Variants in LZTS1 observed in about 807,000 individuals in gnomAD.
LZTS1 encodes the protein leucine zipper tumor suppressor 1, also known as leucine zipper putative tumor suppressor 1.
LZTS1 carries 31 observed loss-of-function variants against 45.8 expected under a neutral mutation model. That is an observed-to-expected ratio of 0.68 (90% confidence interval 0.51 to 0.91). The LOEUF is 0.91. LZTS1 is among the 40% of genes least tolerant of loss of function. The pLI, the probability that LZTS1 is intolerant of heterozygous loss-of-function variation, is 0.00. For missense variants in LZTS1, 821 were observed against 788.9 expected (o/e 1.04, Z -0.49); for synonymous variants, 359 against 357.3 (o/e 1.00, Z -0.05).
chr8:20,263,204 C>T (rs752454718), intron 1 of LZTS1, among the ~76,000 whole-genome samples: 5 of 152,168 alleles, frequency 3.3e-5, no homozygotes, highest in African/African-American at 1.2e-4. Context: ...GCCTACCCCA[C>T]GACCGCCTTG....
At chr8:20,271,071 T>C (rs943821063) in intron 1 of LZTS1, among the ~76,000 whole-genome samples, 1 of 152,106 alleles carries the variant, frequency 6.6e-6, no homozygotes, top group African/African-American at 2.4e-5. Flanking sequence ...TATTTTTGTG[T>C]GCTCAACAGC....
intron 1 of LZTS1, among the ~76,000 whole-genome samples, chr8:20,278,896 G>A (rs928163681): frequency 6.6e-6 from 1 of 152,112 alleles, no homozygotes; most frequent in Non-Finnish European, 1.5e-5. Context: ...TCGGAGATCT[G>A]TACTCACTCC....
intron 1 of LZTS1, among the ~76,000 whole-genome samples, chr8:20,274,796 C>T (rs539132117): frequency 2.0e-5 from 3 of 152,254 alleles, no homozygotes; most frequent in East Asian, 1.9e-4. Context: ...GGAAAGTCCT[C>T]GTAAAGCGGG....
intron 1 of LZTS1, among the ~76,000 whole-genome samples, chr8:20,265,644 ACTC>A (rs1800337788): frequency 7.8e-6 from 1 of 127,768 alleles, no homozygotes; most frequent in African/African-American, 3.0e-5. Flanking sequence ...ATGCCACTGC[ACTC>A]CAGCCTGGGC....
chr8:20,267,806 C>T (rs767841364), intron 1 of LZTS1, among the ~76,000 whole-genome samples: 2 of 152,112 alleles, frequency 1.3e-5, no homozygotes, highest in Non-Finnish European at 2.9e-5. Flanking sequence ...TGAGCCACTG[C>T]GCCCGGCCCA....
At chr8:20,282,331 C>A (rs1800709344) in intron 1 of LZTS1, among the ~76,000 whole-genome samples, 1 of 152,194 alleles carries the variant, frequency 6.6e-6, no homozygotes, top group Admixed American at 6.5e-5. Context: ...TCTGAGCCTG[C>A]TGGGCCTCTG....
At chr8:20,300,548 G>T (rs1359498366) in intron 1 of LZTS1, among the ~76,000 whole-genome samples, 1 of 151,984 alleles carries the variant, frequency 6.6e-6, no homozygotes, top group African/African-American at 2.4e-5. Flanking sequence ...TAGCCAGGAT[G>T]GTCTCGATCT....
At chr8:20,264,597 G>A (rs2128894910) in intron 1 of LZTS1, among the ~76,000 whole-genome samples, 1 of 152,278 alleles carries the variant, frequency 6.6e-6, no homozygotes, top group African/African-American at 2.4e-5. Context: ...GGCCCAGGGA[G>A]GAGCCCTGTG....
intron 1 of LZTS1, among the ~76,000 whole-genome samples, chr8:20,270,833 T>TGTGTGTGTGTG (rs1563878388): frequency 3.4e-5 from 4 of 119,262 alleles, no homozygotes; most frequent in South Asian, 5.6e-4. Flanking sequence ...GTGTGTGTGT[T>TGTGTGTGTGTG]TGTGTGTGTG....
At chr8:20,257,975 A>ATT (rs11402448) in intron 1 of LZTS1, among the ~76,000 whole-genome samples, 3,995 of 150,544 alleles carry the variant, frequency 0.027, 85 homozygotes, top group Non-Finnish European at 0.039. Flanking sequence ...GACTGGGCAC[A>ATT]TTTTTTTTTT....
intron 3 of LZTS1, among the ~76,000 whole-genome samples, chr8:20,250,601 T>C (rs926979138): frequency 6.6e-6 from 1 of 152,230 alleles, no homozygotes; most frequent in Non-Finnish European, 1.5e-5. Context: ...TAATGACACA[T>C]AGTATATTAT....
chr8:20,270,048 A>C (rs1031443682), intron 1 of LZTS1, among the ~76,000 whole-genome samples: 3 of 152,218 alleles, frequency 2.0e-5, no homozygotes, highest in African/African-American at 7.2e-5. Flanking sequence ...GCCCTTCCTG[A>C]GTGGGCAAGA....
chr8:20,262,677 T>A (rs968574164), intron 1 of LZTS1, among the ~76,000 whole-genome samples: 2 of 152,286 alleles, frequency 1.3e-5, no homozygotes, highest in Admixed American at 1.3e-4. Flanking sequence ...TGGGGGTAAT[T>A]TGGCAGGACC....
chr8:20,269,605 G>A (rs537054252), intron 1 of LZTS1, among the ~76,000 whole-genome samples: 11 of 152,294 alleles, frequency 7.2e-5, no homozygotes, highest in African/African-American at 2.6e-4. Context: ...GCCAAGTTCA[G>A]GTTCAGTACG....
In LZTS1 at chr8:20,249,899, C is replaced by T. The variant is rs1296962319; in HGVS notation, c.1614G>A (p.Lys538=). The T allele has an allele frequency of 5.6e-6, 9 of 1,614,098 alleles. No homozygotes were observed. The highest frequency in any genetic ancestry group is 7.6e-6 in the Non-Finnish European group (9 of 1,180,042). The change falls in exon 4 of 4, where the codon AAG becomes AAA. Residue 538 remains lysine, a synonymous_variant. Coordinates refer to ENST00000381569, the MANE Select transcript of LZTS1 (RefSeq NM_021020.5). Reference sequence around the variant, plus strand: ...GCAGCTGTTTCTGGTACTGAATCACCTTCTCCTTCTCCTCCTTCCACACGA... The same window carrying T: ...GCAGCTGTTTCTGGTACTGAATCACTTTCTCCTTCTCCTCCTTCCACACGA... ...ERLVWKEEKE[K]VIQYQKQLQQ...
At chr8:20,276,830 A>G (rs1391180857) in intron 1 of LZTS1, among the ~76,000 whole-genome samples, 1 of 152,202 alleles carries the variant, frequency 6.6e-6, no homozygotes. Context: ...AAAACCCCAC[A>G]TATGTGGTAA....
intron 1 of LZTS1, among the ~76,000 whole-genome samples, chr8:20,259,130 G>T (rs1800171490): frequency 6.6e-6 from 1 of 152,146 alleles, no homozygotes; most frequent in African/African-American, 2.4e-5. Context: ...ACATTGCCGA[G>T]CAGCTGTACC....
chr8:20,261,205 GTAAAGGAACCACAGAGCCTCACACTC>G (rs1800221157), intron 1 of LZTS1, among the ~76,000 whole-genome samples: 1 of 152,162 alleles, frequency 6.6e-6, no homozygotes, highest in South Asian at 2.1e-4. Flanking sequence ...TGGAGAGAAG[GTAAAGGAACCACAGAGCCTCACACTC>G]CACATGGCAT....
intron 1 of LZTS1, among the ~76,000 whole-genome samples, chr8:20,296,783 A>G (rs929253616): frequency 2.0e-5 from 3 of 152,096 alleles, no homozygotes; most frequent in Non-Finnish European, 2.9e-5. Flanking sequence ...CTTCTCCCAC[A>G]ATGATTAACT....
Sources: gnomAD v4.1 joint callset for allele counts (sites outside exome capture counted in the v4.1 genomes callset) on GRCh38, gnomAD v4.1.1 for gene constraint, MANE v1.5 for transcripts, NCBI Gene and HGNC (gene_info 2026-07-23, HGNC 2026-07-21) for gene names.